MYO1B: variants seen among roughly 807,000 people sequenced by gnomAD.
MYO1B encodes the protein myosin IB, also known as unconventional myosin-Ib.
MYO1B carries 72 observed loss-of-function variants against 159.7 expected under a neutral mutation model. The ratio of observed to expected loss-of-function variants is 0.45; its 90% confidence interval spans 0.37 to 0.55. MYO1B has a LOEUF of 0.55. Ranked by LOEUF, MYO1B falls within the 20% of genes least tolerant of loss-of-function variation. MYO1B has a pLI of 0.00. For missense variants in MYO1B, 1,062 were observed against 1,364.8 expected (o/e 0.78, Z 3.50); for synonymous variants, 468 against 473.8 (o/e 0.99, Z 0.16).
intron 1 of MYO1B, among the ~76,000 whole-genome samples, chr2:191,251,583 G>T (rs1199035356): frequency 1.3e-5 from 2 of 152,148 alleles, no homozygotes; most frequent in Non-Finnish European, 2.9e-5. Context: ...GACTCAAGAT[G>T]CTTTAAGATT....
intron 13 of MYO1B, among the ~76,000 whole-genome samples, chr2:191,378,633 G>T (rs144710219): frequency 1.3e-5 from 2 of 152,158 alleles, no homozygotes; most frequent in African/African-American, 2.4e-5. Flanking sequence ...CTGGGGATAC[G>T]ATGGCTTAGC....
intron 1 of MYO1B, among the ~76,000 whole-genome samples, chr2:191,268,230 G>A (rs1687255368): frequency 6.6e-6 from 1 of 152,186 alleles, no homozygotes; most frequent in African/African-American, 2.4e-5. Context: ...TCAAGTTGTT[G>A]GTAGATTCAG....
intron 6 of MYO1B, among the ~76,000 whole-genome samples, chr2:191,348,635 C>G (rs920369751): frequency 1.3e-5 from 2 of 152,118 alleles, no homozygotes. Flanking sequence ...GGGCCTGTTC[C>G]TGTGACTCTC....
At chr2:191,392,292 G>A (rs1482066933) in intron 19 of MYO1B, 91 bp downstream of exon 19, 13 of 898,152 alleles carry the variant, frequency 1.4e-5, no homozygotes, top group East Asian at 2.5e-5. Context: ...CATTATATGA[G>A]GGGCCACCAT....
At chr2:191,390,042 G>C (rs1438871995) in intron 17 of MYO1B, among the ~76,000 whole-genome samples, 1 of 152,196 alleles carries the variant, frequency 6.6e-6, no homozygotes, top group Non-Finnish European at 1.5e-5. Flanking sequence ...TCAATGAAAT[G>C]TCAGTGATAC....
chr2:191,261,819 A>G (rs992513984), intron 1 of MYO1B, among the ~76,000 whole-genome samples: 5 of 152,184 alleles, frequency 3.3e-5, no homozygotes, highest in African/African-American at 1.2e-4. Flanking sequence ...CATTGAGTAC[A>G]ACAGTGGACA....
In MYO1B at chr2:191,390,328, C is replaced by T. The variant is rs1367501846; in HGVS notation, c.1818C>T (p.Ile606=). 1 of 1,614,138 alleles carries T rather than the reference C, an allele frequency of 6.2e-7. No individual in the cohort carries two copies. The highest frequency in any genetic ancestry group is 2.2e-5 in the East Asian group (1 of 44,892). ...IKPNDKKAAH[I]FNEALVCHQI... The stretch of plus-strand genomic sequence containing the variant: ...CGAATGATAAAAAAGCAGCACACAT[C>T]TTCAACGAGGCTCTAGTGTGTCATC... The change falls in exon 18 of 31, where the codon ATC becomes ATT. Residue 606 remains isoleucine, a synonymous_variant. Coordinates refer to ENST00000392318, the MANE Select transcript of MYO1B (RefSeq NM_001130158.3).
At chr2:191,341,164 A>G (rs1323424028) in intron 4 of MYO1B, among the ~76,000 whole-genome samples, 1 of 152,170 alleles carries the variant, frequency 6.6e-6, no homozygotes, top group Non-Finnish European at 1.5e-5. Flanking sequence ...ATAATTATAT[A>G]TAAATGATTG....
chr2:191,275,417 G>C (rs577718740), intron 1 of MYO1B, among the ~76,000 whole-genome samples: 1 of 152,112 alleles, frequency 6.6e-6, no homozygotes, highest in East Asian at 1.9e-4. Context: ...GGATATGTTT[G>C]TGGGTTCATA....
chr2:191,284,945 A>G (rs1026742081), intron 2 of MYO1B, among the ~76,000 whole-genome samples: 1 of 152,048 alleles, frequency 6.6e-6, no homozygotes, highest in Non-Finnish European at 1.5e-5. Flanking sequence ...AGACCCTGGT[A>G]TTTTCATTAG....
At chr2:191,403,873 T>C (rs1345782413) in intron 24 of MYO1B, among the ~76,000 whole-genome samples, 1 of 152,162 alleles carries the variant, frequency 6.6e-6, no homozygotes, top group Admixed American at 6.5e-5. Flanking sequence ...ATCTTTAGTT[T>C]TCTGGGTTTA....
At chr2:191,284,566 G>A (rs918171993) in intron 2 of MYO1B, among the ~76,000 whole-genome samples, 1 of 152,168 alleles carries the variant, frequency 6.6e-6, no homozygotes, top group Non-Finnish European at 1.5e-5. Flanking sequence ...GGAGTGCATG[G>A]TAGGTGCCCC....
chr2:191,256,926 T>C (rs1686488124), intron 1 of MYO1B, among the ~76,000 whole-genome samples: 1 of 140,704 alleles, frequency 7.1e-6, no homozygotes, highest in Admixed American at 7.4e-5. Context: ...CTATTCCTTG[T>C]GAATCCCCCT....
intron 3 of MYO1B, among the ~76,000 whole-genome samples, chr2:191,298,856 G>GC (rs1432396362): frequency 2.0e-5 from 3 of 152,156 alleles, no homozygotes; most frequent in Non-Finnish European, 2.9e-5. Context: ...TGGGAGTGGA[G>GC]CCGGGGTATT....
chr2:191,374,858 G>C (rs183935678), intron 13 of MYO1B, among the ~76,000 whole-genome samples: 110 of 152,320 alleles, frequency 7.2e-4, no homozygotes, highest in Non-Finnish European at 1.4e-3. Flanking sequence ...AAGATGGTCT[G>C]TGATTTCTGA....
intron 1 of MYO1B, among the ~76,000 whole-genome samples, chr2:191,256,000 C>T (rs567209520): frequency 2.6e-4 from 39 of 152,292 alleles, no homozygotes; most frequent in African/African-American, 9.4e-4. Flanking sequence ...TCAGCCTTCT[C>T]CACTCTCCCT....
At chr2:191,393,959 T>C (rs1695916629) in intron 20 of MYO1B, among the ~76,000 whole-genome samples, 1 of 152,222 alleles carries the variant, frequency 6.6e-6, no homozygotes, top group Non-Finnish European at 1.5e-5. Flanking sequence ...TCCTTTCTTA[T>C]ATTCTTCCTC....
At chr2:191,403,704 T>C (rs1479657445) in intron 24 of MYO1B, among the ~76,000 whole-genome samples, 1 of 152,180 alleles carries the variant, frequency 6.6e-6, no homozygotes, top group African/African-American at 2.4e-5. Context: ...AAATTATCCT[T>C]TTTGATTATA....
At position 191,360,620 on chromosome 2, in the gene MYO1B, C is replaced by T. The variant is rs757682600; in HGVS notation, c.563-11C>T. On this transcript the variant is annotated splice_polypyrimidine_tract_variant and intron_variant, in intron 7 of 30. Coordinates refer to ENST00000392318, the MANE Select transcript of MYO1B (RefSeq NM_001130158.3). ...ACAAATGCCATACTATGATTTAACT[C>T]TTCTCTTTAGATCTTTTAGAGAAAT... is the stretch of plus-strand genomic sequence containing the variant. 24 of 1,565,728 alleles carry T rather than the reference C, an allele frequency of 1.5e-5. No individual in the cohort carries two copies. In the South Asian group the frequency reaches 1.8e-4, roughly 12 times the overall value.
Sources: gnomAD v4.1 joint callset for allele counts (sites outside exome capture counted in the v4.1 genomes callset) on GRCh38, gnomAD v4.1.1 for gene constraint, MANE v1.5 for transcripts, NCBI Gene and HGNC (gene_info 2026-07-23, HGNC 2026-07-21) for gene names.